PRELID2: variants seen among roughly 807,000 people sequenced by gnomAD.
PRELID2 encodes PRELI domain containing 2, also known as PRELI domain-containing protein 2.
A neutral mutation model predicts 28.4 loss-of-function variants in PRELID2; 25 were observed. The ratio of observed to expected loss-of-function variants is 0.88; its 90% CI spans 0.64 to 1.23. PRELID2 has a LOEUF of 1.23. Among genes scored for constraint, PRELID2 ranks in the 50% most tolerant of loss-of-function variants. The pLI is 0.00. For missense variants in PRELID2, 201 were observed against 214.4 expected (o/e 0.94, Z 0.39); for synonymous variants, 76 against 71.6 (o/e 1.06, Z -0.31).
intron 1 of PRELID2, among the ~76,000 whole-genome samples, chr5:145,486,374 G>C (rs949489697): frequency 2.6e-5 from 4 of 152,136 alleles, no homozygotes; most frequent in Non-Finnish European, 4.4e-5. Context: ...GCCAATGTCT[G>C]GCATATTTAT....
intron 1 of PRELID2, among the ~76,000 whole-genome samples, chr5:145,669,039 A>T (rs1754652559): frequency 6.6e-6 from 1 of 152,052 alleles, no homozygotes; most frequent in South Asian, 2.1e-4. Flanking sequence ...TCAGACACAC[A>T]TCCCCGTGCT....
chr5:145,369,784 T>C, the PRELID2 span, among the ~76,000 whole-genome samples: 8 of 152,068 alleles, frequency 5.3e-5, no homozygotes, highest in Admixed American at 4.6e-4. Context: ...CCAGCATCTA[T>C]TGTTTCTTGA....
chr5:145,337,734 C>T, the PRELID2 span, among the ~76,000 whole-genome samples: 10 of 4,194 alleles, frequency 2.4e-3, no homozygotes, highest in African/African-American at 3.4e-3. Flanking sequence ...TATATATACT[C>T]ACACACACAC....
chr5:145,801,421 A>G (rs1410773834), intron 4 of PRELID2, among the ~76,000 whole-genome samples: 2 of 152,156 alleles, frequency 1.3e-5, no homozygotes, highest in African/African-American at 4.8e-5. Context: ...CTCAAGACAT[A>G]TAAGGATGAC....
chr5:145,502,674 G>A (rs557390661), intron 1 of PRELID2, among the ~76,000 whole-genome samples: 8 of 152,008 alleles, frequency 5.3e-5, no homozygotes, highest in South Asian at 2.1e-4. Flanking sequence ...TTTTGCCCTC[G>A]GAGCTTAGCC....
intron 1 of PRELID2, among the ~76,000 whole-genome samples, chr5:145,552,146 G>A (rs548391959): frequency 1.8e-4 from 27 of 152,130 alleles, no homozygotes; most frequent in Non-Finnish European, 3.8e-4. Flanking sequence ...GGACCAGGTT[G>A]TCTTTCTTGG....
At chr5:145,403,178 G>A in the PRELID2 span, among the ~76,000 whole-genome samples, 1 of 152,144 alleles carries the variant, frequency 6.6e-6, no homozygotes, top group Non-Finnish European at 1.5e-5. Context: ...TTCTAAGGTG[G>A]ATCCAGAGTG....
chr5:145,507,395 A>G (rs1240348488), intron 1 of PRELID2, among the ~76,000 whole-genome samples: 1 of 152,198 alleles, frequency 6.6e-6, no homozygotes, highest in African/African-American at 2.4e-5. Flanking sequence ...ATGCCTGTAT[A>G]ACACTTCCCT....
At chr5:145,381,974 T>C in the PRELID2 span, among the ~76,000 whole-genome samples, 1 of 151,802 alleles carries the variant, frequency 6.6e-6, no homozygotes, top group Non-Finnish European at 1.5e-5. Flanking sequence ...TTTTTTAATT[T>C]AGCAGAAAAA....
intron 4 of PRELID2, among the ~76,000 whole-genome samples, chr5:145,808,762 T>C (rs1305395382): frequency 2.0e-5 from 3 of 151,894 alleles, no homozygotes; most frequent in African/African-American, 7.3e-5. Context: ...AGCACACACC[T>C]ATATCTCAGC....
chr5:145,798,291 T>G (rs539736647), intron 4 of PRELID2, among the ~76,000 whole-genome samples: 1 of 151,166 alleles, frequency 6.6e-6, no homozygotes, highest in Admixed American at 6.6e-5. Flanking sequence ...GAGAAGAGAG[T>G]GAGAAAGAAG....
intron 1 of PRELID2, among the ~76,000 whole-genome samples, chr5:145,558,316 G>C (rs1371336299): frequency 6.6e-6 from 1 of 152,208 alleles, no homozygotes; most frequent in Non-Finnish European, 1.5e-5. Context: ...GTTGAAGGGG[G>C]AATATGAAAC....
chr5:145,321,353 T>C, the PRELID2 span, among the ~76,000 whole-genome samples: 1 of 152,216 alleles, frequency 6.6e-6, no homozygotes, highest in Non-Finnish European at 1.5e-5. Flanking sequence ...TAGCACTCTT[T>C]CTTGAAATTT....
intron 1 of PRELID2, among the ~76,000 whole-genome samples, chr5:145,732,431 A>G (rs1296562274): frequency 6.6e-6 from 1 of 152,234 alleles, no homozygotes; most frequent in African/African-American, 2.4e-5. Context: ...AGAACTTTCT[A>G]CATTGATGGA....
the PRELID2 span, among the ~76,000 whole-genome samples, chr5:145,316,590 C>G: frequency 6.6e-6 from 1 of 152,170 alleles, no homozygotes; most frequent in Non-Finnish European, 1.5e-5. Flanking sequence ...AACAAAAGGA[C>G]TAAGACAGTT....
chr5:145,557,003 G>A (rs1432522172), intron 1 of PRELID2, among the ~76,000 whole-genome samples: 4 of 152,060 alleles, frequency 2.6e-5, no homozygotes, highest in Non-Finnish European at 4.4e-5. Flanking sequence ...TAACTTTTTA[G>A]CACTTACCAC....
intron 1 of PRELID2, among the ~76,000 whole-genome samples, chr5:145,605,238 A>G (rs1388544447): frequency 3.3e-5 from 5 of 151,880 alleles, no homozygotes; most frequent in African/African-American, 1.2e-4. Context: ...TCCTCATAAA[A>G]TATTTTCCAG....
chr5:145,505,408 A>T (rs1428082456), intron 1 of PRELID2, among the ~76,000 whole-genome samples: 2 of 152,086 alleles, frequency 1.3e-5, no homozygotes, highest in Non-Finnish European at 2.9e-5. Context: ...TTTTCTGGAC[A>T]CTCTCAGCAG....
At chr5:145,742,077 TA>T (rs2149741491) in intron 1 of PRELID2, among the ~76,000 whole-genome samples, 1 of 37,322 alleles carries the variant, frequency 2.7e-5, no homozygotes, top group African/African-American at 7.0e-5. Flanking sequence ...TAATTATACG[TA>T]ATTATATATT....
Sources: gnomAD v4.1 joint callset for allele counts (sites outside exome capture counted in the v4.1 genomes callset) on GRCh38, gnomAD v4.1.1 for gene constraint, MANE v1.5 for transcripts, NCBI Gene and HGNC (gene_info 2026-07-23, HGNC 2026-07-21) for gene names.